Variants in AGPAT4 observed in about 807,000 individuals in gnomAD.
The protein encoded by AGPAT4 is 1-acylglycerol-3-phosphate O-acyltransferase 4, also known as 1-acyl-sn-glycerol-3-phosphate acyltransferase delta.
Under a neutral mutation model 48.0 loss-of-function variants are expected in AGPAT4, and 15 were observed. The ratio of observed to expected loss-of-function variants is 0.31; its 90% CI spans 0.21 to 0.48. AGPAT4 has a LOEUF of 0.48. Ranked by LOEUF, AGPAT4 falls within the 20% of genes least tolerant of loss-of-function variation. The pLI is 0.99. For missense variants in AGPAT4, 314 were observed against 482.5 expected, an observed-to-expected ratio of 0.65 and a Z score of 3.27; for synonymous variants, 178 against 198.7, an observed-to-expected ratio of 0.90 and a Z score of 0.88.
At chr6:161,179,986 G>T (rs1211252208) in intron 2 of AGPAT4, among the ~76,000 whole-genome samples, 1 of 152,116 alleles carries the variant, frequency 6.6e-6, no homozygotes. Context: ...AGAAAGACAG[G>T]AAAGAAATTA....
chr6:161,259,440 G>A lies in AGPAT4; in HGVS notation c.-90+14498C>T, dbSNP rs1216237291. On this transcript the variant is annotated intron_variant, in intron 1 of 8. Transcript: ENST00000320285. The surrounding 1 kb of genome is among the most constrained non-coding windows in gnomAD (Gnocchi z 4.9). ...GAGTTGCTGGTGATCACGGACTTTT[G>A]TAGAGCCACCCGGTCTTTTGCAGGG... 6.6e-6 allele frequency among the ~76,000 whole-genome samples: 1 copy of A among 151,970 alleles called. No homozygotes were observed. Among genetic ancestry groups the A allele is most frequent in the East Asian group, 2.0e-4 (1 of 5,102 alleles).
rs1331950108 is a variant in AGPAT4, at chr6:161,154,996, C to A, written c.349-686G>T. On this transcript the variant is annotated intron_variant, in intron 3 of 8. Coordinates refer to ENST00000320285, the MANE Select transcript of AGPAT4 (RefSeq NM_020133.3). The surrounding 1 kb of genome is among the most constrained non-coding windows in gnomAD (Gnocchi z 7.8). ...GTCCAAGCTGGGAGTAAAACCCAGA[C>A]CAGGAGATGTGCTCGGTGCCCTCCA... Among the ~76,000 whole-genome samples the A allele has an allele frequency of 3.9e-5, 6 of 152,226 alleles. No homozygotes were observed. Among genetic ancestry groups the A allele is most frequent in the Non-Finnish European group, 7.3e-5 (5 of 68,038 alleles).
At position 161,245,034 on chromosome 6, in the gene AGPAT4, C is replaced by A. The variant is rs1416151958; in HGVS notation, c.-89-12732G>T. Among the ~76,000 whole-genome samples the A allele has an allele frequency of 6.6e-6, 1 of 152,246 alleles. No individual in the cohort carries two copies. The highest frequency in any genetic ancestry group is 1.5e-5 in the Non-Finnish European group (1 of 68,046). ...TGCTAACTTAATTTCGCACACATGC[C>A]TACTAGCAAGCCGTGCACCAACTGG... On this transcript the variant is annotated intron_variant, in intron 1 of 8. Transcript: ENST00000320285. The surrounding 1 kb of genome is among the most constrained non-coding windows in gnomAD (Gnocchi z 5.2).
Position 161,143,846 on chromosome 6 carries a change from T to G in AGPAT4, c.843+2678A>C, listed in dbSNP as rs1315382751. ...TCCATGCTTGGAAAGACCAGAATGT[T>G]GGCACACCTCTGTTGGCTGCCTGCC... is the stretch of plus-strand genomic sequence containing the variant. On this transcript the variant is annotated intron_variant, in intron 7 of 8. Transcript: ENST00000320285. The surrounding 1 kb of genome is among the most constrained non-coding windows in gnomAD (Gnocchi z 4.7). 3.6e-6 allele frequency: 1 copy of G among 281,114 alleles called. No homozygotes were observed. The highest frequency in any genetic ancestry group is 9.7e-5 in the East Asian group (1 of 10,330). The allele number at this position is 281,114 out of a possible 1,614,324, so 17.4% of individuals were successfully genotyped here.
chr6:161,239,501 A>G (rs1264635640), intron 1 of AGPAT4, among the ~76,000 whole-genome samples: 1 of 152,240 alleles, frequency 6.6e-6, no homozygotes, highest in Non-Finnish European at 1.5e-5. Flanking sequence ...TTTGTTTTTA[A>G]TATAGATTCA....
chr6:161,171,776 T>C lies in AGPAT4; in HGVS notation c.179-5359A>G, dbSNP rs1780272708. 6.6e-6 allele frequency among the ~76,000 whole-genome samples: 1 copy of C among 150,884 alleles called. No homozygotes were observed. Among genetic ancestry groups the C allele is most frequent in the South Asian group, 2.1e-4 (1 of 4,788 alleles). ...TTAGCTGGGCGTGGTGGCAGGCACC[T>C]GTAGTCCCAGCTACTCGGGAGTCTG... is the stretch of plus-strand genomic sequence containing the variant. On this transcript the variant is annotated intron_variant, in intron 2 of 8. Transcript: ENST00000320285. The surrounding 1 kb of genome is among the most constrained non-coding windows in gnomAD (Gnocchi z 4.4).
In AGPAT4 at chr6:161,266,048, C is replaced by G. The variant is rs1783254481; in HGVS notation, c.-90+7890G>C. Reference sequence around the variant, plus strand: ...TACCTGACAGAGCCGGGAATTCCCCCTCAAGCAGTGGTTCTCAGCTGTGGG... The same window carrying G: ...TACCTGACAGAGCCGGGAATTCCCCGTCAAGCAGTGGTTCTCAGCTGTGGG... On this transcript the variant is annotated intron_variant, in intron 1 of 8. Coordinates refer to ENST00000320285, the MANE Select transcript of AGPAT4 (RefSeq NM_020133.3). This position sits in a 1 kb window ranked among gnomAD's most constrained non-coding sequence, Gnocchi z 6.2. 6.6e-6 allele frequency among the ~76,000 whole-genome samples: 1 copy of G among 152,144 alleles called. No individual in the cohort carries two copies. The highest frequency in any genetic ancestry group is 2.1e-4 in the South Asian group (1 of 4,830).
In AGPAT4 at chr6:161,141,236, G is replaced by C. The variant is rs1779240278; in HGVS notation, c.844-1616C>G. 6.6e-6 allele frequency among the ~76,000 whole-genome samples: 1 copy of C among 152,024 alleles called. No individual in the cohort carries two copies. Among genetic ancestry groups the C allele is most frequent in the African/African-American group, 2.4e-5 (1 of 41,364 alleles). On this transcript the variant is annotated intron_variant, in intron 7 of 8. Transcript: ENST00000320285. This position sits in a 1 kb window ranked among gnomAD's most constrained non-coding sequence, Gnocchi z 6.7. Reference sequence around the variant, plus strand: ...CCCCTGCAGCCCATTAACAAGCCTGGTCCGAAGCGTCACTTGTCGCGTGAC... The same window carrying C: ...CCCCTGCAGCCCATTAACAAGCCTGCTCCGAAGCGTCACTTGTCGCGTGAC...
At chr6:161,227,627 C>T (rs1205451584) in intron 2 of AGPAT4, among the ~76,000 whole-genome samples, 1 of 152,250 alleles carries the variant, frequency 6.6e-6, no homozygotes, top group East Asian at 1.9e-4. Flanking sequence ...TCCCATCTTC[C>T]AGATAGGAGC....
chr6:161,212,064 G>T lies in AGPAT4; in HGVS notation c.178+19972C>A, dbSNP rs1041199358. On this transcript the variant is annotated intron_variant, in intron 2 of 8. Transcript: ENST00000320285. This position sits in a 1 kb window ranked among gnomAD's most constrained non-coding sequence, Gnocchi z 6.1. ...TGAAGGGCACACTGATGCAAGACTA[G>T]CATATGGGCCCCTGTGTCAAATTAA... is the stretch of plus-strand genomic sequence containing the variant. 6.6e-6 allele frequency among the ~76,000 whole-genome samples: 1 copy of T among 152,140 alleles called. No homozygotes were observed. Among genetic ancestry groups the T allele is most frequent in the African/African-American group, 2.4e-5 (1 of 41,448 alleles).
chr6:161,227,473 C>T (rs1406475887), intron 2 of AGPAT4, among the ~76,000 whole-genome samples: 1 of 152,186 alleles, frequency 6.6e-6, no homozygotes. Flanking sequence ...GTTGAGGACT[C>T]CCATTCTCCG....
rs1218860606 is a variant in AGPAT4, at chr6:161,267,883, C to T, written c.-90+6055G>A. On this transcript the variant is annotated intron_variant, in intron 1 of 8. Coordinates refer to ENST00000320285, the MANE Select transcript of AGPAT4 (RefSeq NM_020133.3). This position sits in a 1 kb window ranked among gnomAD's most constrained non-coding sequence, Gnocchi z 5.2. ...GGCCTCTTAAAAGAAAGACCAGTCT[C>T]ACTTTTAACATTTTAAACAAAACTA... 6.6e-6 allele frequency among the ~76,000 whole-genome samples: 1 copy of T among 152,148 alleles called. No homozygotes were observed. Among genetic ancestry groups the T allele is most frequent in the Non-Finnish European group, 1.5e-5 (1 of 68,036 alleles).
rs564606857 is a variant in AGPAT4 at position 161,143,563 on chromosome 6, G to A, written c.843+2961C>T. On this transcript the variant is annotated intron_variant, in intron 7 of 8. Transcript: ENST00000320285. This position sits in a 1 kb window ranked among gnomAD's most constrained non-coding sequence, Gnocchi z 4.7. ...TCCCTGGAAAAAAGGGGGTTCTGAG[G>A]TTGTAGGTTCAGCCTCAGAGCGAGT... is the stretch of plus-strand genomic sequence containing the variant. Among the ~76,000 whole-genome samples, 8 of 152,334 alleles carry A rather than the reference G, an allele frequency of 5.3e-5. No individual in the cohort carries two copies. In the East Asian group the frequency reaches 1.5e-3, roughly 29 times the overall value.
rs1433893322 is a variant in AGPAT4 at position 161,144,045 on chromosome 6, G to C, written c.843+2479C>G. ...ATCCCACTTTGACAAACTGGGTCGG[G>C]CACCCAGATTTGGGGCACGTAAAGC... is the stretch of plus-strand genomic sequence containing the variant. On this transcript the variant is annotated intron_variant, in intron 7 of 8. Coordinates refer to ENST00000320285, the MANE Select transcript of AGPAT4 (RefSeq NM_020133.3). This position sits in a 1 kb window ranked among gnomAD's most constrained non-coding sequence, Gnocchi z 6.6. The C allele has an allele frequency of 4.3e-6, 2 of 469,968 alleles. No individual in the cohort carries two copies. Among genetic ancestry groups the C allele is most frequent in the Non-Finnish European group, 8.8e-6 (2 of 227,306 alleles). 29.1% of individuals were successfully genotyped at this position (469,968 alleles called of 1,614,324 possible).
chr6:161,181,694 C>G (rs1338907326), intron 2 of AGPAT4, among the ~76,000 whole-genome samples: 2 of 152,170 alleles, frequency 1.3e-5, no homozygotes, highest in African/African-American at 2.4e-5. Flanking sequence ...TCTGTGACAC[C>G]AAACTGGGAG....
At chr6:161,183,273 C>A (rs1470547357) in intron 2 of AGPAT4, among the ~76,000 whole-genome samples, 1 of 151,994 alleles carries the variant, frequency 6.6e-6, no homozygotes, top group Non-Finnish European at 1.5e-5. Context: ...GGGAGCAAAA[C>A]AATCCTAGTG....
Position 161,249,833 on chromosome 6 carries a change from C to T in AGPAT4, c.-89-17531G>A, listed in dbSNP as rs528957047. Among the ~76,000 whole-genome samples, 6 of 152,280 alleles carry T rather than the reference C, an allele frequency of 3.9e-5. No homozygotes were observed. Among genetic ancestry groups the T allele is most frequent in the Admixed American group, 3.3e-4 (5 of 15,284 alleles). On this transcript the variant is annotated intron_variant, in intron 1 of 8. Transcript: ENST00000320285. This position sits in a 1 kb window ranked among gnomAD's most constrained non-coding sequence, Gnocchi z 6.2. Reference sequence around the variant, plus strand: ...GTTATACACCCAAAGGAATATAAATCGTTCTATCATAAAGACACATGCACG... The same window carrying T: ...GTTATACACCCAAAGGAATATAAATTGTTCTATCATAAAGACACATGCACG...
At chr6:161,185,313 C>CAGGG (rs146836059) in intron 2 of AGPAT4, among the ~76,000 whole-genome samples, 2,033 of 115,496 alleles carry the variant, frequency 0.018, 58 homozygotes, top group African/African-American at 0.064. Flanking sequence ...TTTCCAAAGA[C>CAGGG]AGGGTCTCAC....
intron 5 of AGPAT4, among the ~76,000 whole-genome samples, chr6:161,150,832 G>A (rs1779569649): frequency 6.6e-6 from 1 of 152,222 alleles, no homozygotes; most frequent in Non-Finnish European, 1.5e-5. Context: ...AGGCTGTGTG[G>A]ACCATGACTG....
Sources: allele counts gnomAD v4.1 joint callset (sites outside exome capture counted in the v4.1 genomes callset), GRCh38; gene constraint gnomAD v4.1.1; non-coding constraint Gnocchi (gnomAD v3.1); transcripts MANE v1.5; gene names NCBI Gene and HGNC (gene_info 2026-07-23, HGNC 2026-07-21).